Variants in TMC7 observed in about 807,000 individuals in gnomAD.
TMC7 encodes the protein transmembrane channel like 7.
In TMC7, 54 loss-of-function variants were observed where a neutral mutation model predicts 82.9. The observed-to-expected ratio is 0.65, with a 90% CI of 0.52 to 0.82. TMC7 has a LOEUF of 0.82. Among genes scored for constraint, TMC7 ranks in the 40% least tolerant of loss-of-function variants. The pLI is 0.00. For missense variants in TMC7, 820 were observed against 901.2 expected (o/e 0.91, Z 1.15); for synonymous variants, 350 against 337.9 (o/e 1.04, Z -0.39).
intron 1 of TMC7, among the ~76,000 whole-genome samples, chr16:18,992,230 C>T (rs1054060310): frequency 6.6e-6 from 1 of 152,186 alleles, no homozygotes; most frequent in Non-Finnish European, 1.5e-5. Context: ...AAAAGTGTTC[C>T]TATTTCTCCA....
In TMC7 at chr16:19,059,685, T is replaced by C. The variant is rs571510296; in HGVS notation, c.2106+191T>C. 4.6e-6 allele frequency: 7 copies of C among 1,535,410 alleles called. No individual in the cohort carries two copies. In the East Asian group the frequency reaches 1.2e-4, roughly 27 times the overall value. On this transcript the variant is annotated intron_variant, in intron 15 of 15. Transcript: ENST00000304381. ...CACTGATTCATCCATTCCTTCAAGA[T>C]GTGTATTAAGGGGGATGTGGTGGCT...
At chr16:19,002,829 A>G (rs556923783) in intron 1 of TMC7, among the ~76,000 whole-genome samples, 1 of 152,354 alleles carries the variant, frequency 6.6e-6, no homozygotes, top group African/African-American at 2.4e-5. Flanking sequence ...CCACAGGACT[A>G]CAGTGGCCAT....
At chr16:19,040,892 CT>C (rs113968068) in intron 9 of TMC7, among the ~76,000 whole-genome samples, 8,920 of 133,708 alleles carry the variant, frequency 0.067, 498 homozygotes, top group African/African-American at 0.19. Context: ...TTCTTTGATT[CT>C]TTTTTTTTTT....
chr16:19,031,860 ACGG>A (rs1397920016), intron 6 of TMC7, among the ~76,000 whole-genome samples: 3 of 152,162 alleles, frequency 2.0e-5, no homozygotes, highest in Admixed American at 6.6e-5. Context: ...AGGAAAACTC[ACGG>A]AGGAGAACCA....
At chr16:19,059,316 C>A in intron 14 of TMC7, 100 bp from the exon 15 acceptor site, 1 of 1,533,132 alleles carries the variant, frequency 6.5e-7, no homozygotes, top group South Asian at 1.3e-5. Flanking sequence ...TCTTTTCTAA[C>A]AAGAGTAAAA....
intron 1 of TMC7, among the ~76,000 whole-genome samples, chr16:19,006,829 T>TG (rs1257451598): frequency 2.0e-5 from 3 of 152,082 alleles, no homozygotes; most frequent in African/African-American, 7.2e-5. Context: ...TTTGTTTTGC[T>TG]TTTTTGAGAC....
intron 11 of TMC7, among the ~76,000 whole-genome samples, chr16:19,046,186 C>A (rs368315846): frequency 1.3e-5 from 2 of 152,176 alleles, no homozygotes; most frequent in South Asian, 4.1e-4. Flanking sequence ...ACCTTCCAGG[C>A]TGCAGTGGAC....
intron 6 of TMC7, among the ~76,000 whole-genome samples, chr16:19,030,663 C>T (rs1960475472): frequency 6.6e-6 from 1 of 151,478 alleles, no homozygotes; most frequent in South Asian, 2.1e-4. Context: ...ACTGCAACCT[C>T]TGCCCCTCAG....
intron 2 of TMC7, among the ~76,000 whole-genome samples, chr16:19,015,086 C>T (rs1272507359): frequency 1.3e-5 from 2 of 152,030 alleles, no homozygotes; most frequent in Admixed American, 1.3e-4. Flanking sequence ...GCCTCAGCCT[C>T]CCTAGTAGCT....
At chr16:18,993,216 G>T (rs1596715596) in intron 1 of TMC7, among the ~76,000 whole-genome samples, 1 of 152,146 alleles carries the variant, frequency 6.6e-6, no homozygotes, top group South Asian at 2.1e-4. Flanking sequence ...ACTTCATCAG[G>T]GTGAAAGTGT....
rs530693667 is a variant in TMC7 at position 19,053,635 on chromosome 16, G to A, written c.1871+1819G>A. On this transcript the variant is annotated intron_variant, in intron 13 of 15. Transcript: ENST00000304381. Reference sequence around the variant, plus strand: ...TCAGGCTGGTATCAAACTCCCGACCGCAGGTAATCTGACTGCCTCGGTCTC... The same window carrying A: ...TCAGGCTGGTATCAAACTCCCGACCACAGGTAATCTGACTGCCTCGGTCTC... 8.4e-4 allele frequency among the ~76,000 whole-genome samples: 128 copies of A among 152,120 alleles called. 6 individuals carry two copies. The South Asian group carries it at 0.025, about 30-fold the overall frequency.
At chr16:19,059,975 TTAAAAA>T in intron 15 of TMC7, 1 of 315,488 alleles carries the variant, frequency 3.2e-6, no homozygotes, top group Non-Finnish European at 6.1e-6. Context: ...AGACTCCATC[TTAAAAA>T]TAAAAATAAA....
intron 3 of TMC7, among the ~76,000 whole-genome samples, chr16:19,019,127 G>C (rs1959847075): frequency 6.6e-6 from 1 of 152,236 alleles, no homozygotes; most frequent in South Asian, 2.1e-4. Flanking sequence ...TGGGATTACA[G>C]GCGTGAGCCA....
chr16:19,018,030 G>A (rs928264973), intron 3 of TMC7, among the ~76,000 whole-genome samples: 1 of 151,914 alleles, frequency 6.6e-6, no homozygotes, highest in Non-Finnish European at 1.5e-5. Flanking sequence ...CCCAGCTTCT[G>A]GGGAAGCTTA....
chr16:18,988,420 G>T lies in TMC7; in HGVS notation c.67+4290G>T, dbSNP rs527833107. Among the ~76,000 whole-genome samples, 130 of 151,724 alleles carry T rather than the reference G, an allele frequency of 8.6e-4. 1 individual carries two copies. Among genetic ancestry groups the T allele is most frequent in the African/African-American group, 3.0e-3 (122 of 41,346 alleles). On this transcript the variant is annotated intron_variant, in intron 1 of 15. Coordinates refer to ENST00000304381, the MANE Select transcript of TMC7 (RefSeq NM_024847.4). The stretch of plus-strand genomic sequence containing the variant: ...TCCACCCACCTTGGCCTCCCAAAGT[G>T]CTGGGACTACAGGCGCATGCAACCA...
chr16:19,045,029 T>G (rs2142283163), intron 10 of TMC7, 28 bp downstream of exon 10: 3 of 1,514,660 alleles, frequency 2.0e-6, no homozygotes, highest in Non-Finnish European at 2.7e-6. Context: ...GGCGTTCGGC[T>G]GGGTGGGTCC....
chr16:19,019,671 T>C (rs2142204587), intron 3 of TMC7, among the ~76,000 whole-genome samples: 1 of 152,296 alleles, frequency 6.6e-6, no homozygotes, highest in East Asian at 1.9e-4. Flanking sequence ...TCCAAGGTTT[T>C]AGCCACTATG....
intron 1 of TMC7, among the ~76,000 whole-genome samples, chr16:18,995,480 G>T (rs1393489691): frequency 6.6e-6 from 1 of 152,182 alleles, no homozygotes; most frequent in African/African-American, 2.4e-5. Flanking sequence ...GCTGCCGGGC[G>T]AGTTGGACAG....
rs142472215 is a variant in TMC7 at position 19,012,972 on chromosome 16, A to G, written c.312-3478A>G. 7.6e-3 allele frequency among the ~76,000 whole-genome samples: 1,141 copies of G among 150,116 alleles called. 10 individuals carry two copies. Among genetic ancestry groups the G allele is most frequent in the African/African-American group, 0.027 (1,086 of 40,904 alleles). On this transcript the variant is annotated intron_variant, in intron 2 of 15. Coordinates refer to ENST00000304381, the MANE Select transcript of TMC7 (RefSeq NM_024847.4). Reference sequence around the variant, plus strand: ...GCTGGGATTACAGGCACCCACCAGCATGCCTGGCTAATTTTGTAATTTTTA... The same window carrying G: ...GCTGGGATTACAGGCACCCACCAGCGTGCCTGGCTAATTTTGTAATTTTTA...
Sources: allele counts gnomAD v4.1 joint callset (sites outside exome capture counted in the v4.1 genomes callset), GRCh38; gene constraint gnomAD v4.1.1; transcripts MANE v1.5; gene names NCBI Gene and HGNC (gene_info 2026-07-23, HGNC 2026-07-21).